The following TEAD1 variants were observed in gnomAD, a reference collection of about 807,000 sequenced individuals.
The protein encoded by TEAD1 is transcriptional enhancer factor TEF-1.
A neutral mutation model predicts 54.9 loss-of-function variants in TEAD1; 9 were observed. The observed-to-expected ratio is 0.16, with a 90% CI of 0.10 to 0.29. TEAD1 has a LOEUF of 0.29. TEAD1 is among the 10% of genes least tolerant of loss of function. The probability of loss-of-function intolerance (pLI) is 1.00; values close to 1 mark genes in which losing one functional copy is unlikely to be tolerated. For synonymous variants in TEAD1, 200 were observed against 187.8 expected, an observed-to-expected ratio of 1.07 and a Z score of -0.53; for missense variants, 387 against 535.9, an observed-to-expected ratio of 0.72 and a Z score of 2.74.
chr11:12,731,585 A>G (rs1320407766), intron 2 of TEAD1, among the ~76,000 whole-genome samples: 2 of 152,218 alleles, frequency 1.3e-5, no homozygotes, highest in African/African-American at 4.8e-5. Context: ...AATAGGATAT[A>G]TAATTTATTC....
chr11:12,921,996 C>T (rs376026283), intron 10 of TEAD1, among the ~76,000 whole-genome samples: 1 of 152,256 alleles, frequency 6.6e-6, no homozygotes, highest in East Asian at 1.9e-4. Flanking sequence ...GGAAAGCTCA[C>T]TACATTTATG....
chr11:12,752,235 ATTTCT>A (rs1944890156), intron 2 of TEAD1, among the ~76,000 whole-genome samples: 1 of 66,100 alleles, frequency 1.5e-5, no homozygotes, highest in Non-Finnish European at 3.2e-5. Flanking sequence ...TTTTTTTTTC[ATTTCT>A]TTCTTTTTTT....
rs1949175914 is a variant in TEAD1 at position 12,943,075 on chromosome 11, CAT to C, written c.*5855_*5856del. ...AAAATTAGCCTCTAAACTCTTAATACATACGTTCTGTGTGTCTCTACCTGGCG... is the reference window on the plus strand; with the variant it reads ...AAAATTAGCCTCTAAACTCTTAATACACGTTCTGTGTGTCTCTACCTGGCG... On this transcript the variant is annotated 3_prime_UTR_variant, in exon 13 of 13. Transcript: ENST00000527636. The C allele has an allele frequency of 6.6e-6, 1 of 152,198 alleles. No homozygotes were observed. The highest frequency in any genetic ancestry group is 1.5e-5 in the Non-Finnish European group (1 of 68,032). 9.4% of individuals were successfully genotyped at this position (152,198 alleles called of 1,614,324 possible).
intron 2 of TEAD1, among the ~76,000 whole-genome samples, chr11:12,723,188 C>A (rs888758757): frequency 6.6e-6 from 1 of 152,146 alleles, no homozygotes; most frequent in Non-Finnish European, 1.5e-5. Context: ...CGTGAAGGTA[C>A]CAATTTCAGC....
intron 2 of TEAD1, among the ~76,000 whole-genome samples, chr11:12,693,852 C>G (rs1253258246): frequency 2.0e-5 from 3 of 152,194 alleles, no homozygotes; most frequent in Non-Finnish European, 4.4e-5. Context: ...CCTCATAGTT[C>G]TTGGCTACAA....
chr11:12,920,797 C>T (rs1252068302), intron 10 of TEAD1, among the ~76,000 whole-genome samples: 1 of 152,146 alleles, frequency 6.6e-6, no homozygotes, highest in African/African-American at 2.4e-5. Context: ...TCTAATGCAC[C>T]TTTTCTGCTC....
At chr11:12,899,174 C>A (rs1160407656) in intron 9 of TEAD1, among the ~76,000 whole-genome samples, 1 of 152,166 alleles carries the variant, frequency 6.6e-6, no homozygotes, top group East Asian at 1.9e-4. Context: ...CATAAACTCA[C>A]TCCTTGCAGA....
intron 5 of TEAD1, among the ~76,000 whole-genome samples, chr11:12,877,423 C>T (rs1347737273): frequency 3.3e-5 from 5 of 152,226 alleles, no homozygotes; most frequent in Non-Finnish European, 5.9e-5. Context: ...GAGGCCAAGG[C>T]GGGTGGATCA....
At chr11:12,730,679 C>CT (rs71453999) in intron 2 of TEAD1, among the ~76,000 whole-genome samples, 18,523 of 131,862 alleles carry the variant, frequency 0.14, 1,610 homozygotes, top group Non-Finnish European at 0.2. Context: ...GCCTACAGTG[C>CT]TTTTCTACAT....
chr11:12,750,229 G>T (rs186278321), intron 2 of TEAD1, among the ~76,000 whole-genome samples: 1 of 152,160 alleles, frequency 6.6e-6, no homozygotes, highest in Non-Finnish European at 1.5e-5. Flanking sequence ...TGTTGGGCTC[G>T]AGTGTGACCC....
intron 2 of TEAD1, among the ~76,000 whole-genome samples, chr11:12,713,023 GTTTA>G (rs1341845185): frequency 2.6e-5 from 4 of 152,026 alleles, no homozygotes; most frequent in East Asian, 1.9e-4. Flanking sequence ...TTGTTTGTTT[GTTTA>G]TTTATTTATT....
intron 9 of TEAD1, among the ~76,000 whole-genome samples, chr11:12,900,617 T>A (rs563240842): frequency 1.3e-5 from 2 of 152,218 alleles, no homozygotes; most frequent in South Asian, 4.1e-4. Flanking sequence ...TGTGCTTGAG[T>A]AGGATGAGTC....
At position 12,831,899 on chromosome 11, in the gene TEAD1, A is replaced by G. The variant is rs545709881; in HGVS notation, c.203-30351A>G. The stretch of plus-strand genomic sequence containing the variant: ...CACTTGTTTTTAAATAGCATGTAAG[A>G]TGCAGATATTTGCACTTTTAATTGA... On this transcript the variant is annotated intron_variant, in intron 3 of 12. Coordinates refer to ENST00000527636, the MANE Select transcript of TEAD1 (RefSeq NM_021961.6). 1.2e-3 allele frequency among the ~76,000 whole-genome samples: 179 copies of G among 152,320 alleles called. 1 individual carries two copies. The highest frequency in any genetic ancestry group is 2.3e-3 in the South Asian group (11 of 4,830).
At chr11:12,886,173 A>G (rs1024636663) in intron 9 of TEAD1, among the ~76,000 whole-genome samples, 1 of 152,240 alleles carries the variant, frequency 6.6e-6, no homozygotes, top group Non-Finnish European at 1.5e-5. Flanking sequence ...GTGGCAGTAT[A>G]TTAAATCAGT....
intron 12 of TEAD1, among the ~76,000 whole-genome samples, chr11:12,933,203 C>T (rs998731969): frequency 6.6e-6 from 1 of 152,198 alleles, no homozygotes; most frequent in Non-Finnish European, 1.5e-5. Flanking sequence ...TCAACCAATA[C>T]AGCCATCCAG....
chr11:12,835,471 G>A (rs1376397235), intron 3 of TEAD1, among the ~76,000 whole-genome samples: 4 of 150,636 alleles, frequency 2.7e-5, no homozygotes, highest in South Asian at 4.2e-4. Flanking sequence ...CAGCACACCC[G>A]GCTAATTTTT....
chr11:12,880,481 T>C (rs1040155728), intron 6 of TEAD1, among the ~76,000 whole-genome samples: 7 of 152,202 alleles, frequency 4.6e-5, no homozygotes, highest in African/African-American at 1.4e-4. Flanking sequence ...CTGAGGCTGC[T>C]CTTTCCCTCC....
intron 2 of TEAD1, among the ~76,000 whole-genome samples, chr11:12,736,022 C>T (rs1481488463): frequency 6.6e-6 from 1 of 152,192 alleles, no homozygotes; most frequent in Non-Finnish European, 1.5e-5. Context: ...TCCAGCTAGA[C>T]ATCTAGAGAA....
At chr11:12,829,839 GGCATCAA>G (rs1946735058) in intron 3 of TEAD1, among the ~76,000 whole-genome samples, 1 of 152,196 alleles carries the variant, frequency 6.6e-6, no homozygotes, top group Non-Finnish European at 1.5e-5. Flanking sequence ...CCTGGGTGTT[GGCATCAA>G]GGGGCTGTTG....
Sources: gnomAD v4.1 joint callset for allele counts (sites outside exome capture counted in the v4.1 genomes callset) on GRCh38, gnomAD v4.1.1 for gene constraint, MANE v1.5 for transcripts, NCBI Gene and HGNC (gene_info 2026-07-23, HGNC 2026-07-21) for gene names.